Variants in CDKAL1 observed in about 807,000 individuals in gnomAD.
The protein encoded by CDKAL1 is CDKAL1 threonylcarbamoyladenosine tRNA methylthiotransferase.
In CDKAL1, 32 loss-of-function variants were observed where a neutral mutation model predicts 68.2. That is an observed-to-expected ratio of 0.47 (90% CI 0.35 to 0.63). CDKAL1 has a LOEUF of 0.63. CDKAL1 is among the 30% of genes least tolerant of loss of function. The pLI is 0.00. For synonymous variants in CDKAL1, 234 were observed against 244.3 expected, an observed-to-expected ratio of 0.96 and a Z score of 0.39; for missense variants, 606 against 696.7, an observed-to-expected ratio of 0.87 and a Z score of 1.47.
At chr6:20,756,892 C>A (rs1436240601) in intron 6 of CDKAL1, 1 of 98,272 alleles carries the variant, frequency 1.0e-5, no homozygotes, top group African/African-American at 3.6e-5. Context: ...TCCTTCCTTC[C>A]TTCCTTCCTT....
At chr6:20,966,105 G>T (rs886298807) in intron 10 of CDKAL1, among the ~76,000 whole-genome samples, 1 of 152,180 alleles carries the variant, frequency 6.6e-6, no homozygotes, top group Non-Finnish European at 1.5e-5. Context: ...ACAGACGGGG[G>T]TAATGAAGTT....
In CDKAL1 at chr6:21,230,867, G is replaced by A. The variant is rs1012884208; in HGVS notation, c.1568G>A (p.Gly523Glu). The part of the protein sequence containing the change: ...GLTKDFRNGL[G>E]NQLSSGSHTS... ...TTATAGGACTTCAGAAATGGGCTTG[G>A]GAACCAGCTGAGTTCAGGATCCCAC... Residue 523 changes from glycine (G) to glutamate (E), a missense_variant, in exon 16 of 16, where the codon GGG (glycine) becomes GAG (glutamate). Coordinates refer to ENST00000274695, the MANE Select transcript of CDKAL1 (RefSeq NM_017774.3). 6.2e-7 allele frequency: 1 copy of A among 1,606,924 alleles called. No homozygotes were observed. The highest frequency in any genetic ancestry group is 8.5e-7 in the Non-Finnish European group (1 of 1,175,710).
At chr6:21,007,466 G>A (rs1421367835) in intron 11 of CDKAL1, among the ~76,000 whole-genome samples, 1 of 103,988 alleles carries the variant, frequency 9.6e-6, no homozygotes, top group Non-Finnish European at 1.7e-5. Context: ...CTGGGCAACA[G>A]AGCAAGACCC....
At chr6:20,862,678 C>T (rs1388482809) in intron 9 of CDKAL1, among the ~76,000 whole-genome samples, 5 of 151,898 alleles carry the variant, frequency 3.3e-5, no homozygotes, top group South Asian at 2.1e-4. Flanking sequence ...CGTGCATGCG[C>T]GCGTGCGCAT....
At chr6:21,208,863 C>T (rs1444088297) in intron 15 of CDKAL1, among the ~76,000 whole-genome samples, 4 of 152,288 alleles carry the variant, frequency 2.6e-5, no homozygotes, top group Non-Finnish European at 2.9e-5. Flanking sequence ...TCACTTCACA[C>T]TGTGTTTAGT....
intron 9 of CDKAL1, among the ~76,000 whole-genome samples, chr6:20,949,618 G>C (rs1017410461): frequency 8.5e-5 from 13 of 152,166 alleles, no homozygotes; most frequent in Non-Finnish European, 1.9e-4. Context: ...ATCATGATAG[G>C]TCCTAGGCGT....
intron 7 of CDKAL1, among the ~76,000 whole-genome samples, 168 bp from the exon 8 acceptor site, chr6:20,780,977 G>A (rs1775401058): frequency 6.6e-6 from 1 of 152,064 alleles, no homozygotes; most frequent in Non-Finnish European, 1.5e-5. Context: ...CCTGGCCACT[G>A]TTTTTCCTTT....
chr6:21,153,818 C>CA (rs760637987), intron 13 of CDKAL1, among the ~76,000 whole-genome samples: 4 of 152,010 alleles, frequency 2.6e-5, no homozygotes, highest in East Asian at 3.9e-4. Context: ...AGCCAGAAAA[C>CA]AAAAAATTGA....
At chr6:20,908,881 G>C (rs558626008) in intron 9 of CDKAL1, among the ~76,000 whole-genome samples, 2 of 152,204 alleles carry the variant, frequency 1.3e-5, no homozygotes, top group Admixed American at 1.3e-4. Context: ...TGAAAGTGGT[G>C]GTTTTGCTTC....
At chr6:20,641,495 C>T (rs931451650) in intron 4 of CDKAL1, among the ~76,000 whole-genome samples, 25 of 152,184 alleles carry the variant, frequency 1.6e-4, no homozygotes, top group Admixed American at 8.5e-4. Context: ...CTTTATCTTG[C>T]CTTCAAGGGC....
At chr6:21,132,116 C>A (rs1030248379) in intron 13 of CDKAL1, among the ~76,000 whole-genome samples, 4 of 152,006 alleles carry the variant, frequency 2.6e-5, no homozygotes, top group African/African-American at 9.7e-5. Flanking sequence ...TAGTTCATAT[C>A]GTTTAGCTCA....
At chr6:20,824,852 T>G (rs1777435878) in intron 8 of CDKAL1, among the ~76,000 whole-genome samples, 1 of 152,208 alleles carries the variant, frequency 6.6e-6, no homozygotes, top group Admixed American at 6.6e-5. Flanking sequence ...TTATTAGAGC[T>G]ATCTGTATAG....
At chr6:21,136,770 A>G (rs918583074) in intron 13 of CDKAL1, among the ~76,000 whole-genome samples, 2 of 152,100 alleles carry the variant, frequency 1.3e-5, no homozygotes, top group African/African-American at 4.8e-5. Flanking sequence ...TTTGAGTTTC[A>G]TATTTGCCTT....
intron 8 of CDKAL1, among the ~76,000 whole-genome samples, chr6:20,784,239 C>T (rs1775559705): frequency 6.6e-6 from 1 of 150,684 alleles, no homozygotes; most frequent in African/African-American, 2.4e-5. Flanking sequence ...GTAGTATTTG[C>T]ATATAACCCA....
At position 20,574,216 on chromosome 6, in the gene CDKAL1, C is replaced by T. The variant is rs755818002; in HGVS notation, c.286+25511C>T. ...TAGTCAGAGACTTTGCAAATGATTT[C>T]TACAAAAATAAACTATAAAATAGAT... On this transcript the variant is annotated intron_variant, in intron 4 of 15. Coordinates refer to ENST00000274695, the MANE Select transcript of CDKAL1 (RefSeq NM_017774.3). Among the ~76,000 whole-genome samples the T allele has an allele frequency of 5.9e-5, 9 of 152,214 alleles. No individual in the cohort carries two copies. The South Asian group carries it at 1.7e-3, about 28-fold the overall frequency.
At chr6:21,096,059 A>G (rs1377993215) in intron 12 of CDKAL1, among the ~76,000 whole-genome samples, 4 of 152,202 alleles carry the variant, frequency 2.6e-5, no homozygotes, top group African/African-American at 9.7e-5. Flanking sequence ...AGAGTTATCA[A>G]ACCTACATTG....
At chr6:20,716,940 A>C (rs995278661) in intron 5 of CDKAL1, among the ~76,000 whole-genome samples, 15 of 152,088 alleles carry the variant, frequency 9.9e-5, no homozygotes, top group Admixed American at 4.6e-4. Context: ...TGATCAGTAG[A>C]GGTGGAGGAA....
chr6:20,787,089 A>G (rs761586568), intron 8 of CDKAL1, among the ~76,000 whole-genome samples: 26 of 152,248 alleles, frequency 1.7e-4, no homozygotes, highest in Non-Finnish European at 2.9e-4. Flanking sequence ...CAGGCAAAAC[A>G]CATCTTAGAA....
chr6:20,766,717 T>C (rs1418070127), intron 7 of CDKAL1, among the ~76,000 whole-genome samples: 2 of 152,226 alleles, frequency 1.3e-5, no homozygotes, highest in African/African-American at 4.8e-5. Flanking sequence ...TGCTTTTACA[T>C]GTGTATTTTA....
Sources: allele counts gnomAD v4.1 joint callset (sites outside exome capture counted in the v4.1 genomes callset), GRCh38; gene constraint gnomAD v4.1.1; transcripts MANE v1.5; gene names NCBI Gene and HGNC (gene_info 2026-07-23, HGNC 2026-07-21).